The following PIK3C3 variants were observed in gnomAD, a reference collection of about 807,000 sequenced individuals.
The protein encoded by PIK3C3 is phosphatidylinositol 3-kinase catalytic subunit type 3.
A neutral mutation model predicts 126.1 loss-of-function variants in PIK3C3; 95 were observed. The observed-to-expected ratio is 0.75, with a 90% CI of 0.64 to 0.89. The LOEUF is 0.89. Among genes scored for constraint, PIK3C3 ranks in the 40% least tolerant of loss-of-function variants. The pLI is 0.00. For synonymous variants in PIK3C3, 374 were observed against 360.0 expected, an observed-to-expected ratio of 1.04 and a Z score of -0.44; for missense variants, 829 against 1,063.2, an observed-to-expected ratio of 0.78 and a Z score of 3.06.
At position 42,084,198 on chromosome 18, in the gene PIK3C3, T is replaced by C. The variant is rs1568018162; in HGVS notation, c.*3061T>C. ...ACAACCATAATATACCTTAAGTATA[T>C]TTTTGCACATAAGTATAACATTGCG... is the stretch of plus-strand genomic sequence containing the variant. On this transcript the variant is annotated 3_prime_UTR_variant, in exon 25 of 25. Transcript: ENST00000262039. 6.6e-6 allele frequency: 1 copy of C among 152,178 alleles called. No individual in the cohort carries two copies. Among genetic ancestry groups the C allele is most frequent in the Non-Finnish European group, 1.5e-5 (1 of 68,030 alleles). The allele number at this position is 152,178 out of a possible 1,614,324, so 9.4% of individuals were successfully genotyped here.
At chr18:42,080,663 C>T (rs1254761172) in intron 24 of PIK3C3, among the ~76,000 whole-genome samples, 1 of 152,204 alleles carries the variant, frequency 6.6e-6, no homozygotes, top group Non-Finnish European at 1.5e-5. Flanking sequence ...CTCTCGACTT[C>T]TTCCTTTGAT....
intron 1 of PIK3C3, among the ~76,000 whole-genome samples, chr18:41,956,692 C>G (rs924051182): frequency 5.9e-5 from 9 of 151,904 alleles, no homozygotes; most frequent in Non-Finnish European, 1.0e-4. Flanking sequence ...AGTCCCTTCC[C>G]CATGCCAGCC....
intron 15 of PIK3C3, 68 bp from the exon 16 acceptor site, chr18:42,033,758 T>G (rs894980465): frequency 3.4e-6 from 4 of 1,189,006 alleles, no homozygotes; most frequent in Non-Finnish European, 4.7e-6. Flanking sequence ...AATTTTTATG[T>G]CTTTACTATA....
chr18:42,059,039 T>C (rs1985198831), intron 22 of PIK3C3, among the ~76,000 whole-genome samples: 1 of 152,216 alleles, frequency 6.6e-6, no homozygotes, highest in Admixed American at 6.5e-5. Context: ...TCATTGTGTG[T>C]TTATTCATTG....
chr18:42,048,240 A>G (rs1373950395), intron 20 of PIK3C3, among the ~76,000 whole-genome samples: 1 of 152,184 alleles, frequency 6.6e-6, no homozygotes, highest in Non-Finnish European at 1.5e-5. Context: ...TGTTCTAACT[A>G]TTTAAGGTGA....
In PIK3C3 at chr18:42,037,702, T is replaced by C. The variant is rs1984117283; in HGVS notation, c.1850T>C (p.Met617Thr). The C allele has an allele frequency of 1.2e-6, 2 of 1,611,984 alleles. No homozygotes were observed. Among genetic ancestry groups the C allele is most frequent in the African/African-American group, 1.3e-5 (1 of 75,028 alleles). The change falls in exon 17 of 25, where the codon ATG (methionine) becomes ACG (threonine). Residue 617 changes from methionine (M) to threonine (T), a missense_variant. Around this residue, in one of 4 missense-constraint regions of PIK3C3, gnomAD observed 256 missense variants for 291.0 expected, o/e 0.88. Transcript: ENST00000262039. Reference protein sequence around the residue: ...ETATLFKSALMPAQLFFKTED... With the variant: ...ETATLFKSALTPAQLFFKTED... ...ATTTTTATTTTCCAGAGTGCCCTTA[T>C]GCCTGCACAGTTGTTTTTTAAGACG...
rs936150279 is a variant in PIK3C3, at chr18:42,049,702, G to A, written c.2263+97G>A. 25 of 963,978 alleles carry A rather than the reference G, an allele frequency of 2.6e-5. No individual in the cohort carries two copies. In the Admixed American group the frequency reaches 3.0e-4, roughly 12 times the overall value. 59.7% of individuals were successfully genotyped at this position (963,978 alleles called of 1,614,324 possible). A position where few individuals can be genotyped will look rare whatever the true frequency, so the allele number is the denominator to read the frequency against. On this transcript the variant is annotated intron_variant, in intron 21 of 24. Coordinates refer to ENST00000262039, the MANE Select transcript of PIK3C3 (RefSeq NM_002647.4). ...AACAAGATAAGTTGCGGCCTGGCGC[G>A]GTGGCTCACGCCCGTAATCCCAGCA...
At chr18:42,033,009 A>T (rs189278924) in intron 15 of PIK3C3, among the ~76,000 whole-genome samples, 56 of 152,312 alleles carry the variant, frequency 3.7e-4, no homozygotes, top group Admixed American at 1.2e-3. Flanking sequence ...ACTTCCCAGT[A>T]GCATTGTAGT....
At position 42,015,431 on chromosome 18, in the gene PIK3C3, A is replaced by G. The variant is rs769854543; in HGVS notation, c.1326-45A>G. 4.1e-6 allele frequency: 6 copies of G among 1,449,908 alleles called. No individual in the cohort carries two copies. The Admixed American group carries it at 8.4e-5, about 20-fold the overall frequency. The allele number at this position is 1,449,908 out of a possible 1,614,324, so 89.8% of individuals were successfully genotyped here. A position where few individuals can be genotyped will look rare whatever the true frequency, so the allele number is the denominator to read the frequency against. On this transcript the variant is annotated intron_variant, in intron 11 of 24. Coordinates refer to ENST00000262039, the MANE Select transcript of PIK3C3 (RefSeq NM_002647.4). ...TAAAAAATTGTGCGTTCTCTTATGG[A>G]CAGAGTATTTTACATCTCAGTGATC... is the stretch of plus-strand genomic sequence containing the variant.
In PIK3C3 at chr18:41,993,310, T is replaced by C. The variant is rs1299874737; in HGVS notation, c.755T>C (p.Leu252Ser). ...TCTCCAATTTTAACAAGTTTTGAAT[T>C]AGTGAAAGTTCCTGACCCCCAGATG... The part of the protein sequence containing the change: ...ESSPILTSFE[L>S]VKVPDPQMSM... The change falls in exon 7 of 25, where the codon TTA becomes TCA. Residue 252 changes from leucine (L) to serine (S), a missense_variant. Leu to Ser is a moderately radical substitution (Grantham distance 145). This residue lies in a region of PIK3C3 where 313 missense variants were observed against 340.7 expected (regional missense o/e 0.92). Transcript: ENST00000262039. The C allele has an allele frequency of 1.9e-6, 3 of 1,609,496 alleles. No individual in the cohort carries two copies. The highest frequency in any genetic ancestry group is 8.5e-7 in the Non-Finnish European group (1 of 1,176,728).
At chr18:41,965,958 G>A (rs370121864) in intron 3 of PIK3C3, among the ~76,000 whole-genome samples, 2 of 152,014 alleles carry the variant, frequency 1.3e-5, no homozygotes, top group East Asian at 1.9e-4. Context: ...TTTGAATCTT[G>A]GAAAGTCATC....
intron 4 of PIK3C3, among the ~76,000 whole-genome samples, chr18:41,978,249 T>A (rs1335710213): frequency 6.6e-6 from 1 of 152,200 alleles, no homozygotes; most frequent in Non-Finnish European, 1.5e-5. Flanking sequence ...GCCACCATGC[T>A]GGACCTCTAG....
At chr18:42,004,632 A>T in intron 10 of PIK3C3, 91 bp downstream of exon 10, 1 of 999,404 alleles carries the variant, frequency 1.0e-6, no homozygotes, top group Non-Finnish European at 1.4e-6. Context: ...TGAGAGTGAG[A>T]GAGAGAGTGT....
At chr18:42,063,536 C>T (rs1244197461) in intron 22 of PIK3C3, among the ~76,000 whole-genome samples, 1 of 152,018 alleles carries the variant, frequency 6.6e-6, no homozygotes, top group East Asian at 1.9e-4. Context: ...TGGGTTAGGG[C>T]CTGATTTGAT....
At chr18:41,967,001 A>G (rs1353173083) in intron 3 of PIK3C3, among the ~76,000 whole-genome samples, 1 of 152,202 alleles carries the variant, frequency 6.6e-6, no homozygotes, top group African/African-American at 2.4e-5. Context: ...CCTTCACCTC[A>G]GAAGAAGGAA....
chr18:41,985,238 G>T (rs1212584405), intron 4 of PIK3C3: 3 of 152,222 alleles, frequency 2.0e-5, no homozygotes, highest in African/African-American at 7.2e-5. Flanking sequence ...CCAAAAAAAA[G>T]ATAATGAGAA....
intron 3 of PIK3C3, among the ~76,000 whole-genome samples, chr18:41,966,482 C>T (rs140207072): frequency 4.6e-5 from 7 of 152,160 alleles, no homozygotes; most frequent in African/African-American, 1.2e-4. Context: ...TTGTTCTTTA[C>T]TTGATATCTT....
intron 22 of PIK3C3, among the ~76,000 whole-genome samples, chr18:42,061,254 A>G (rs1432072103): frequency 1.3e-5 from 2 of 151,768 alleles, no homozygotes; most frequent in Non-Finnish European, 2.9e-5. Context: ...TATTATTGTT[A>G]TTATTATTTT....
chr18:42,041,734 A>G (rs1043947228), intron 19 of PIK3C3, among the ~76,000 whole-genome samples: 3 of 152,080 alleles, frequency 2.0e-5, no homozygotes, highest in Non-Finnish European at 4.4e-5. Context: ...TCAGTATGGG[A>G]GTCAGATTTG....
Sources: allele counts gnomAD v4.1 joint callset (sites outside exome capture counted in the v4.1 genomes callset), GRCh38; gene constraint gnomAD v4.1.1; regional missense constraint gnomAD v4.1.1; transcripts MANE v1.5; gene names NCBI Gene and HGNC (gene_info 2026-07-23, HGNC 2026-07-21).